SOX5: variants seen among roughly 807,000 people sequenced by gnomAD.
The protein encoded by SOX5 is SRY-box transcription factor 5, also known as transcription factor SOX-5.
In SOX5, 9 loss-of-function variants were observed where a neutral mutation model predicts 92.0. The observed-to-expected ratio is 0.10, with a 90% confidence interval of 0.06 to 0.17. SOX5 has a LOEUF of 0.17. Among genes scored for constraint, SOX5 ranks in the 10% least tolerant of loss-of-function variants. SOX5 has a pLI of 1.00. For missense variants in SOX5, 642 were observed against 944.5 expected, an observed-to-expected ratio of 0.68 and a Z score of 4.20; for synonymous variants, 344 against 336.3, an observed-to-expected ratio of 1.02 and a Z score of -0.25.
intron 6 of SOX5, among the ~76,000 whole-genome samples, chr12:23,674,130 C>T (rs1014426277): frequency 5.3e-5 from 8 of 151,936 alleles, no homozygotes; most frequent in Non-Finnish European, 7.4e-5. Flanking sequence ...GTGTTATTTC[C>T]AATTTTATGA....
intron 2 of SOX5, among the ~76,000 whole-genome samples, chr12:24,342,746 C>T (rs1210384677): frequency 6.6e-6 from 1 of 152,208 alleles, no homozygotes; most frequent in Non-Finnish European, 1.5e-5. Context: ...TTCAACCCCA[C>T]AATGCAACCA....
At chr12:23,805,748 A>G (rs796716639) in intron 3 of SOX5, among the ~76,000 whole-genome samples, 12 of 152,316 alleles carry the variant, frequency 7.9e-5, no homozygotes, top group African/African-American at 2.6e-4. Flanking sequence ...AATTCAGAAC[A>G]AAGTCAAACT....
intron 4 of SOX5, among the ~76,000 whole-genome samples, chr12:24,008,631 A>T (rs961775429): frequency 1.4e-4 from 21 of 152,250 alleles, no homozygotes; most frequent in African/African-American, 4.3e-4. Flanking sequence ...GAAATTATGG[A>T]CTCTTTTGGA....
chr12:24,549,258 T>C (rs550754605), intron 1 of SOX5, among the ~76,000 whole-genome samples: 3 of 152,362 alleles, frequency 2.0e-5, no homozygotes, highest in Non-Finnish European at 2.9e-5. Flanking sequence ...TAAACGCTGA[T>C]AATTATTTGA....
chr12:23,760,513 C>A (rs903023273), intron 3 of SOX5, among the ~76,000 whole-genome samples: 1 of 152,100 alleles, frequency 6.6e-6, no homozygotes, highest in Non-Finnish European at 1.5e-5. Flanking sequence ...CAACAGGACC[C>A]TTCTGATACA....
At chr12:24,068,735 TATATATATATATAC>T (rs1344293201) in intron 4 of SOX5, among the ~76,000 whole-genome samples, 3,731 of 89,132 alleles carry the variant, frequency 0.042, 103 homozygotes, top group Admixed American at 0.062. Flanking sequence ...TATATATATA[TATATATATATATAC>T]ACACACACAC....
intron 2 of SOX5, among the ~76,000 whole-genome samples, chr12:24,336,688 G>A (rs1951942988): frequency 6.6e-6 from 1 of 152,010 alleles, no homozygotes; most frequent in South Asian, 2.1e-4. Flanking sequence ...AATATAGTGT[G>A]CTAAAAAAAT....
intron 4 of SOX5, among the ~76,000 whole-genome samples, chr12:23,989,157 T>C (rs929948161): frequency 1.4e-5 from 2 of 144,828 alleles, no homozygotes; most frequent in Non-Finnish European, 3.0e-5. Context: ...GTAGATCACC[T>C]GAGCTCAGGA....
chr12:24,351,629 G>A (rs970065015), intron 2 of SOX5, among the ~76,000 whole-genome samples: 1 of 152,108 alleles, frequency 6.6e-6, no homozygotes, highest in African/African-American at 2.4e-5. Context: ...TCAACTGAAT[G>A]AACACATTAC....
chr12:24,453,295 T>C (rs1050719002), intron 1 of SOX5, among the ~76,000 whole-genome samples: 1 of 144,718 alleles, frequency 6.9e-6, no homozygotes, highest in South Asian at 2.2e-4. Flanking sequence ...TGTTTTGAAA[T>C]AATAAAAAAA....
At chr12:24,372,960 A>AAC (rs1956887113) in intron 1 of SOX5, among the ~76,000 whole-genome samples, 1 of 151,612 alleles carries the variant, frequency 6.6e-6, no homozygotes, top group Non-Finnish European at 1.5e-5. Flanking sequence ...CCAAAAAAAA[A>AAC]AAAAAAAAAC....
At chr12:24,158,704 A>G (rs1287586903) in intron 4 of SOX5, among the ~76,000 whole-genome samples, 2 of 151,968 alleles carry the variant, frequency 1.3e-5, no homozygotes, top group Non-Finnish European at 2.9e-5. Context: ...TCTTTGAGAT[A>G]CACCTCAAAA....
intron 6 of SOX5, among the ~76,000 whole-genome samples, chr12:23,675,993 T>C (rs1444487377): frequency 6.6e-6 from 1 of 152,002 alleles, no homozygotes; most frequent in Non-Finnish European, 1.5e-5. Context: ...AGGAGATAAA[T>C]GTTGGCAAGC....
Position 24,382,628 on chromosome 12 carries a change from A to C in SOX5, c.-250-13989T>G, listed in dbSNP as rs570321807. On this transcript the variant is annotated intron_variant, in intron 1 of 4. Transcript: ENST00000446891. ...CACCCTGGCCACGATTTGTGAGAAG[A>C]CTAAAAAGGAGCCAGTAGAGGAGAA... is the stretch of plus-strand genomic sequence containing the variant. Among the ~76,000 whole-genome samples, 171 of 152,282 alleles carry C rather than the reference A, an allele frequency of 1.1e-3. 1 individual carries two copies. The highest frequency in any genetic ancestry group is 4.0e-3 in the African/African-American group (166 of 41,566).
rs78277642 is a variant in SOX5 at position 23,756,245 on chromosome 12, C to CA, written c.482-522dup. On this transcript the variant is annotated intron_variant, in intron 3 of 14. Transcript: ENST00000451604. ...CCAGTACTGCGAACATAAAAAAAAA[C>CA]AAAAAAAAAATTGGTATAAAAGAAG... Among the ~76,000 whole-genome samples the CA allele has an allele frequency of 4.8e-3, 682 of 141,788 alleles. 5 individuals carry two copies. The highest frequency in any genetic ancestry group is 0.019 in the South Asian group (88 of 4,528). The allele number at this position is 141,788 out of a possible 152,430, so 93.0% of individuals were successfully genotyped here. A position where few individuals can be genotyped will look rare whatever the true frequency, so the allele number is the denominator to read the frequency against.
At chr12:24,090,090 ACATTT>A (rs1016732277) in intron 4 of SOX5, among the ~76,000 whole-genome samples, 1 of 152,198 alleles carries the variant, frequency 6.6e-6, no homozygotes, top group African/African-American at 2.4e-5. Flanking sequence ...CAGCATTGTA[ACATTT>A]CATTTAAAAT....
At chr12:23,763,208 T>C (rs1298524694) in intron 3 of SOX5, among the ~76,000 whole-genome samples, 2 of 152,222 alleles carry the variant, frequency 1.3e-5, no homozygotes, top group African/African-American at 4.8e-5. Flanking sequence ...AAGAGGCTAA[T>C]AACTGCACTT....
At chr12:24,148,952 G>A (rs1380341933) in intron 4 of SOX5, among the ~76,000 whole-genome samples, 2 of 152,058 alleles carry the variant, frequency 1.3e-5, no homozygotes, top group Non-Finnish European at 2.9e-5. Context: ...ACTGGTTTTT[G>A]ATGAAGGTAC....
intron 2 of SOX5, among the ~76,000 whole-genome samples, chr12:24,363,423 G>A (rs573655657): frequency 2.6e-5 from 4 of 152,188 alleles, no homozygotes; most frequent in Middle Eastern, 3.4e-3. Context: ...ATCTCAGTTA[G>A]GCTTACCTAA....
Sources: allele counts gnomAD v4.1 joint callset (sites outside exome capture counted in the v4.1 genomes callset), GRCh38; gene constraint gnomAD v4.1.1; transcripts MANE v1.5; gene names NCBI Gene and HGNC (gene_info 2026-07-23, HGNC 2026-07-21).